The following LARP1B variants were observed in gnomAD, a reference collection of about 807,000 sequenced individuals.
The protein encoded by LARP1B is la-related protein 1B.
Under a neutral mutation model 114.2 loss-of-function variants are expected in LARP1B, and 76 were observed. That is an observed-to-expected ratio of 0.67 (90% CI 0.55 to 0.81). LARP1B has a LOEUF of 0.81. LARP1B is among the 30% of genes least tolerant of loss of function. The pLI, the probability that LARP1B is intolerant of heterozygous loss-of-function variation, is 0.00. For missense variants in LARP1B, 1,014 were observed against 1,075.8 expected (o/e 0.94, Z 0.80); for synonymous variants, 345 against 348.0 (o/e 0.99, Z 0.10).
rs2150969656 is a variant in LARP1B at position 128,210,422 on chromosome 4, C to T, written c.*369C>T. On this transcript the variant is annotated 3_prime_UTR_variant, in exon 20 of 20. Transcript: ENST00000326639. ...ATACAAGGAATGCCTAACATTTCAG[C>T]TCATACTTCTTAAAGAAGATATAGT... 9.7e-7 allele frequency: 1 copy of T among 1,035,838 alleles called. No individual in the cohort carries two copies. Among genetic ancestry groups the T allele is most frequent in the East Asian group, 8.0e-5 (1 of 12,554 alleles). 64.2% of individuals were successfully genotyped at this position (1,035,838 alleles called of 1,614,324 possible). A position where few individuals can be genotyped will look rare whatever the true frequency, so the allele number is the denominator to read the frequency against.
intron 1 of LARP1B, among the ~76,000 whole-genome samples, chr4:128,066,165 CTTT>C (rs59927866): frequency 1.6e-3 from 156 of 99,174 alleles, no homozygotes; most frequent in Non-Finnish European, 2.4e-3. Context: ...TTTCTTTCTT[CTTT>C]TTTTTTTTTT....
At chr4:128,206,751 T>C (rs1466378435) in intron 18 of LARP1B, 1 of 985,206 alleles carries the variant, frequency 1.0e-6, no homozygotes, top group East Asian at 1.1e-4. Context: ...AAGTCTTTCT[T>C]TTATGGAGGT....
rs545095866 is a variant in LARP1B at position 128,211,034 on chromosome 4, G to A, written c.*981G>A. 128 of 903,060 alleles carry A rather than the reference G, an allele frequency of 1.4e-4. 2 individuals are homozygous for A. The Admixed American group carries it at 5.7e-3, about 40-fold the overall frequency. The allele number at this position is 903,060 out of a possible 1,614,324, so 55.9% of individuals were successfully genotyped here. On this transcript the variant is annotated 3_prime_UTR_variant, in exon 20 of 20. Transcript: ENST00000326639. ...TTTGTTTTTATAAATGTTTTCAAGA[G>A]TTATAGCAAATTGATTTCTAATTTT...
Position 128,205,421 on chromosome 4 carries a change from G to A in LARP1B, c.2310-1007G>A, listed in dbSNP as rs1333991828. ...TCTTACAGCCTTGTTTCACTCTCAT[G>A]GGTTCTGCTCATCACCTGTGGTTGA... On this transcript the variant is annotated intron_variant, in intron 17 of 19. Coordinates refer to ENST00000326639, the MANE Select transcript of LARP1B (RefSeq NM_018078.4). 2.0e-5 allele frequency among the ~76,000 whole-genome samples: 3 copies of A among 152,078 alleles called. No homozygotes were observed. In the East Asian group the frequency reaches 5.8e-4, roughly 29 times the overall value.
chr4:128,172,843 T>C (rs1744373185), intron 12 of LARP1B, among the ~76,000 whole-genome samples: 1 of 152,082 alleles, frequency 6.6e-6, no homozygotes, highest in South Asian at 2.1e-4. Context: ...TGTTTTTCAG[T>C]CCTTTTACTC....
Position 128,211,156 on chromosome 4 carries a change from T to A in LARP1B, c.*1103T>A. ...TGAATTTTTTGAATTGATTTTTAAT[T>A]ATTTTTATTTAGAATATAGTTGAAA... On this transcript the variant is annotated 3_prime_UTR_variant, in exon 20 of 20. Transcript: ENST00000326639. 1 of 912,788 alleles carries A rather than the reference T, an allele frequency of 1.1e-6. No individual in the cohort carries two copies. The highest frequency in any genetic ancestry group is 1.3e-6 in the Non-Finnish European group (1 of 763,846). 56.5% of individuals were successfully genotyped at this position (912,788 alleles called of 1,614,324 possible).
At chr4:128,113,274 T>G (rs1198047567) in intron 9 of LARP1B, among the ~76,000 whole-genome samples, 2 of 152,148 alleles carry the variant, frequency 1.3e-5, no homozygotes, top group Non-Finnish European at 2.9e-5. Context: ...CTTAAAATAT[T>G]TAAATATTCT....
chr4:128,126,028 A>C (rs1213348595), intron 11 of LARP1B, among the ~76,000 whole-genome samples: 1 of 152,226 alleles, frequency 6.6e-6, no homozygotes, highest in African/African-American at 2.4e-5. Context: ...GCAGCACATA[A>C]AGTGAATAAT....
At chr4:128,110,214 TTAA>T (rs1438430873) in intron 9 of LARP1B, among the ~76,000 whole-genome samples, 1 of 152,148 alleles carries the variant, frequency 6.6e-6, no homozygotes, top group African/African-American at 2.4e-5. Context: ...TAATTTTCAG[TTAA>T]TAAAAGCAGC....
intron 9 of LARP1B, among the ~76,000 whole-genome samples, chr4:128,113,310 A>T (rs1784723230): frequency 1.3e-5 from 2 of 151,876 alleles, no homozygotes; most frequent in Admixed American, 1.3e-4. Flanking sequence ...ATATTTATAA[A>T]AGAAGCCATT....
chr4:128,160,170 C>CATAT (rs1737784012), intron 11 of LARP1B, among the ~76,000 whole-genome samples: 1 of 152,198 alleles, frequency 6.6e-6, no homozygotes, highest in Non-Finnish European at 1.5e-5. Flanking sequence ...TATGTTCCAA[C>CATAT]ACAGCCATTT....
At chr4:128,108,651 A>C (rs1289920876) in intron 9 of LARP1B, 2 of 984,908 alleles carry the variant, frequency 2.0e-6, no homozygotes, top group East Asian at 1.1e-4. Flanking sequence ...TATTTTAGCT[A>C]GTGGTTTTTA....
chr4:128,214,296 C>T (rs1759360942), downstream of LARP1B, among the ~76,000 whole-genome samples: 1 of 148,276 alleles, frequency 6.7e-6, no homozygotes, highest in Non-Finnish European at 1.5e-5. Flanking sequence ...TGGGTGGAGC[C>T]CACCACAGCT....
At chr4:128,084,169 GT>G (rs914314553) in intron 5 of LARP1B, among the ~76,000 whole-genome samples, 36 of 151,208 alleles carry the variant, frequency 2.4e-4, no homozygotes, top group African/African-American at 8.3e-4. Context: ...GGCTCCTCAC[GT>G]CCCAGACAAT....
rs201056641 is a variant in LARP1B, at chr4:128,091,472, G to A, written c.628G>A (p.Val210Met). 5.0e-6 allele frequency: 8 copies of A among 1,609,476 alleles called. No homozygotes were observed. The highest frequency in any genetic ancestry group is 6.8e-6 in the Non-Finnish European group (8 of 1,178,278). The stretch of plus-strand genomic sequence containing the variant: ...TGGTACAGGTGTACAGGTGTATCCT[G>A]TGGAAGAAGCATTGCTTAAAGAGTA... ...DDGTGVQVYPVEEALLKEYIK... is the reference protein window; with the variant it reads ...DDGTGVQVYPMEEALLKEYIK... Residue 210 changes from valine to methionine, a missense_variant, in exon 7 of 20, where the codon GTG becomes ATG. By Grantham distance (21) the Val-to-Met change is conservative. Transcript: ENST00000326639.
At chr4:128,151,176 T>G (rs1732627308) in intron 11 of LARP1B, among the ~76,000 whole-genome samples, 1 of 152,198 alleles carries the variant, frequency 6.6e-6, no homozygotes, top group African/African-American at 2.4e-5. Context: ...TAGGTGCATA[T>G]ATATACATTT....
chr4:128,123,590 A>G (rs1012682290), intron 11 of LARP1B: 16 of 409,014 alleles, frequency 3.9e-5, no homozygotes, highest in Admixed American at 1.3e-4. Flanking sequence ...TGACAATAGG[A>G]TTTTTTTCTA....
Position 128,106,740 on chromosome 4 carries a change from T to G in LARP1B, c.814-399T>G, listed in dbSNP as rs559483038. On this transcript the variant is annotated intron_variant, in intron 8 of 19. Transcript: ENST00000326639. ...GGTATTGTGAGGAATCATGAGTACA[T>G]GTAGTACTTATTATTCAATAAATTG... Among the ~76,000 whole-genome samples the G allele has an allele frequency of 4.1e-4, 62 of 152,200 alleles. No homozygotes were observed. In the South Asian group the frequency reaches 0.011, roughly 26 times the overall value.
intron 10 of LARP1B, among the ~76,000 whole-genome samples, chr4:128,119,047 A>AT (rs900209027): frequency 1.3e-5 from 2 of 151,570 alleles, no homozygotes; most frequent in Non-Finnish European, 2.9e-5. Flanking sequence ...TGCCCAGCTA[A>AT]TTTTTTTGTG....
Sources: allele counts gnomAD v4.1 joint callset (sites outside exome capture counted in the v4.1 genomes callset), GRCh38; gene constraint gnomAD v4.1.1; transcripts MANE v1.5; gene names NCBI Gene and HGNC (gene_info 2026-07-23, HGNC 2026-07-21).